The following CEP131 variants were observed in gnomAD, a reference collection of about 807,000 sequenced individuals.
CEP131 encodes the protein centrosomal protein 131.
A neutral mutation model predicts 136.8 loss-of-function variants in CEP131; 99 were observed. That is an observed-to-expected ratio of 0.72 (90% CI 0.62 to 0.86). The LOEUF is 0.86. Among genes scored for constraint, CEP131 ranks in the 40% least tolerant of loss-of-function variants. The pLI, the probability that CEP131 is intolerant of heterozygous loss-of-function variation, is 0.00. For synonymous variants in CEP131, 646 were observed against 612.7 expected, an observed-to-expected ratio of 1.05 and a Z score of -0.80; for missense variants, 1,459 against 1,463.0, an observed-to-expected ratio of 1.00 and a Z score of 0.04.
intron 21 of CEP131, among the ~76,000 whole-genome samples, chr17:81,192,019 G>T (rs1020656534): frequency 6.6e-6 from 1 of 152,130 alleles, no homozygotes; most frequent in African/African-American, 2.4e-5. Context: ...AGTGTCAGTG[G>T]GCTGGTCGTG....
At position 81,203,371 on chromosome 17, in the gene CEP131, C is replaced by G; in HGVS notation, c.629+123G>C. ...ATGCACACTGACCGCATGCCCTGACCAAGGTAGAACCCTGTGTGAACTGAC... is the reference window on the plus strand; with the variant it reads ...ATGCACACTGACCGCATGCCCTGACGAAGGTAGAACCCTGTGTGAACTGAC... On this transcript the variant is annotated intron_variant, in intron 6 of 25. Transcript: ENST00000450824. The surrounding 1 kb of genome is among the most constrained non-coding windows in gnomAD (Gnocchi z 4.6). 1.3e-6 allele frequency: 1 copy of G among 756,678 alleles called. No homozygotes were observed. Among genetic ancestry groups the G allele is most frequent in the Non-Finnish European group, 2.2e-6 (1 of 464,672 alleles). 46.9% of individuals were successfully genotyped at this position (756,678 alleles called of 1,614,324 possible). A position where few individuals can be genotyped will look rare whatever the true frequency, so the allele number is the denominator to read the frequency against.
At chr17:81,221,521 C>T (rs1278060276) in intron 1 of CEP131, among the ~76,000 whole-genome samples, 1 of 152,214 alleles carries the variant, frequency 6.6e-6, no homozygotes, top group Non-Finnish European at 1.5e-5. Flanking sequence ...CGCCAGCTCC[C>T]CTGCTGTGCC....
chr17:81,198,906 G>A lies in CEP131; in HGVS notation c.1258C>T (p.Pro420Ser), dbSNP rs80128622. 1,356 of 1,593,092 alleles carry A rather than the reference G, an allele frequency of 8.5e-4. 8 individuals are homozygous for A. In the African/African-American group the frequency reaches 0.016, roughly 19 times the overall value. The change falls in exon 11 of 26, where the codon CCA becomes TCA. Residue 420 changes from proline to serine, a missense_variant. By Grantham distance (74) the Pro-to-Ser change is moderately conservative. Around this residue, in one of 3 missense-constraint regions of CEP131, gnomAD observed 1,026 missense variants for 964.2 expected, o/e 1.06. Transcript: ENST00000450824. ...GTCCTGTCCTCTGGAGGCTGCTGTGGTTCTGGGGATGAGTCGGAGGTGGGC... is the reference window on the plus strand; with the variant it reads ...GTCCTGTCCTCTGGAGGCTGCTGTGATTCTGGGGATGAGTCGGAGGTGGGC... ...CLPTSDSSPE[P>S]QQPPEDRTQD... is the part of the protein sequence containing the mutation.
intron 14 of CEP131, 21 bp downstream of exon 14, chr17:81,196,909 T>C (rs761655144): frequency 6.2e-7 from 1 of 1,608,508 alleles, no homozygotes; most frequent in Non-Finnish European, 8.5e-7. Flanking sequence ...GGCCCGGGAT[T>C]AGCAGTGCCA....
chr17:81,196,901 C>A (rs760684679), intron 14 of CEP131, 29 bp downstream of exon 14: 2 of 1,607,416 alleles, frequency 1.2e-6, no homozygotes, highest in Non-Finnish European at 1.7e-6. Flanking sequence ...GCTAGCAGGG[C>A]CCGGGATTAG....
chr17:81,199,025 AACTCTGGAGGC>A (rs2061831025), intron 10 of CEP131, 54 bp from the exon 11 acceptor site: 13 of 1,433,410 alleles, frequency 9.1e-6, no homozygotes, highest in Non-Finnish European at 1.2e-5. Flanking sequence ...GGCGGGCAGC[AACTCTGGAGGC>A]ACCCCCGGGA....
intron 4 of CEP131, 95 bp downstream of exon 4, chr17:81,207,030 C>G: frequency 3.3e-6 from 5 of 1,523,104 alleles, no homozygotes; most frequent in Non-Finnish European, 4.4e-6. Context: ...ACCCTCCCTG[C>G]AGTGCCCTTT....
Position 81,189,637 on chromosome 17 carries a change from G to T in CEP131, c.*132C>A. The T allele has an allele frequency of 5.7e-6, 5 of 882,392 alleles. No individual in the cohort carries two copies. The highest frequency in any genetic ancestry group is 5.1e-5 in the South Asian group (3 of 59,252). The allele number at this position is 882,392 out of a possible 1,614,324, so 54.7% of individuals were successfully genotyped here. On this transcript the variant is annotated 3_prime_UTR_variant, in exon 26 of 26. Transcript: ENST00000450824. ...CCTTTACTGTTAAAATGCAGCCACA[G>T]GTGCTTAGCCGTGGGCATCTCAACC...
intron 7 of CEP131, among the ~76,000 whole-genome samples, chr17:81,201,247 G>A (rs917861866): frequency 6.6e-5 from 10 of 152,154 alleles, no homozygotes; most frequent in African/African-American, 2.2e-4. Context: ...CCCTTCCCTC[G>A]TGCCACCCAC....
Position 81,199,803 on chromosome 17 carries a change from G to C in CEP131, c.939C>G (p.Leu313=). 1 of 1,611,688 alleles carries C rather than the reference G, an allele frequency of 6.2e-7. No individual in the cohort carries two copies. Among genetic ancestry groups the C allele is most frequent in the Non-Finnish European group, 8.5e-7 (1 of 1,179,968 alleles). The change falls in exon 9 of 26, where the codon CTC becomes CTG. Residue 313 remains leucine (L), a synonymous_variant. Transcript: ENST00000450824. The part of the protein sequence containing the change: ...EQRQRSGEGT[L]LDLHQQKEAA... ...CCTCTTTCTGCTGGTGCAGGTCCAAGAGGGTCCCCTCGCCTGACCGCTGCC... is the reference window on the plus strand; with the variant it reads ...CCTCTTTCTGCTGGTGCAGGTCCAACAGGGTCCCCTCGCCTGACCGCTGCC...
chr17:81,190,880 C>A, intron 23 of CEP131, 27 bp downstream of exon 23: 1 of 1,595,174 alleles, frequency 6.3e-7, no homozygotes, highest in Non-Finnish European at 8.5e-7. Flanking sequence ...TGGGTGCCCA[C>A]TGCCCACCTG....
At position 81,193,915 on chromosome 17, in the gene CEP131, C is replaced by T. The variant is rs780015805; in HGVS notation, c.2321+11G>A. 73 of 1,531,796 alleles carry T rather than the reference C, an allele frequency of 4.8e-5. No homozygotes were observed. Among genetic ancestry groups the T allele is most frequent in the Non-Finnish European group, 6.1e-5 (70 of 1,142,106 alleles). The allele number at this position is 1,531,796 out of a possible 1,614,324, so 94.9% of individuals were successfully genotyped here. The stretch of plus-strand genomic sequence containing the variant: ...GGGTCCTGGCCCCACCGGCCTGGGG[C>T]CACCACCCACCGCTGCCGAGCACGT... On this transcript the variant is annotated intron_variant, in intron 18 of 25. Coordinates refer to ENST00000450824, the MANE Select transcript of CEP131 (RefSeq NM_014984.4).
At chr17:81,198,993 C>G (rs1233352850) in intron 10 of CEP131, 22 bp from the exon 11 acceptor site, 1 of 1,510,746 alleles carries the variant, frequency 6.6e-7, no homozygotes, top group Admixed American at 2.3e-5. Flanking sequence ...AACACAGCAC[C>G]ATTCCACAGG....
At chr17:81,192,681 AGGGGT>A in intron 19 of CEP131, 50 bp downstream of exon 19, 3 of 155,090 alleles carry the variant, frequency 1.9e-5, no homozygotes, top group Non-Finnish European at 2.4e-5. Context: ...GGCGGGGGGG[AGGGGT>A]CAGCCAGCGA....
Position 81,219,292 on chromosome 17 carries a change from C to CTT in CEP131, c.177+586_177+587dup, listed in dbSNP as rs1342180490. The stretch of plus-strand genomic sequence containing the variant: ...CCCTCCCCACAGGTCAACCCCATTT[C>CTT]TTTCTTTTTTTTTTTTTTTTGAGAT... On this transcript the variant is annotated intron_variant, in intron 2 of 25. Coordinates refer to ENST00000450824, the MANE Select transcript of CEP131 (RefSeq NM_014984.4). This position sits in a 1 kb window ranked among gnomAD's most constrained non-coding sequence, Gnocchi z 4.0. 2.9e-5 allele frequency among the ~76,000 whole-genome samples: 2 copies of CTT among 68,360 alleles called. No individual in the cohort carries two copies. Among genetic ancestry groups the CTT allele is most frequent in the East Asian group, 3.5e-4 (1 of 2,876 alleles). 44.8% of individuals were successfully genotyped at this position (68,360 alleles called of 152,430 possible).
At chr17:81,197,445 C>T (rs991577115) in intron 13 of CEP131, 46 of 557,908 alleles carry the variant, frequency 8.2e-5, no homozygotes, top group Middle Eastern at 4.9e-4. Flanking sequence ...GGAGGCAGCT[C>T]GGGGCAGCGG....
chr17:81,215,601 G>A lies in CEP131; in HGVS notation c.177+4279C>T, dbSNP rs1207151681. Among the ~76,000 whole-genome samples, 4 of 101,384 alleles carry A rather than the reference G, an allele frequency of 3.9e-5. No homozygotes were observed. Among genetic ancestry groups the A allele is most frequent in the South Asian group, 3.7e-4 (1 of 2,670 alleles). 66.5% of individuals were successfully genotyped at this position (101,384 alleles called of 152,430 possible). A position where few individuals can be genotyped will look rare whatever the true frequency, so the allele number is the denominator to read the frequency against. ...TATTTTTTCTATTTTTAGTAGAGAC[G>A]AGGTTTCACCGTGTTGGCCAGGCTG... On this transcript the variant is annotated intron_variant, in intron 2 of 25. Transcript: ENST00000450824. The surrounding 1 kb of genome is among the most constrained non-coding windows in gnomAD (Gnocchi z 4.1).
At position 81,189,681 on chromosome 17, in the gene CEP131, C is replaced by T. The variant is rs148754736; in HGVS notation, c.*88G>A. ...CTCAACCACCAGCCTCTGTGGGGGG[C>T]AGGTGGGCGTCCCTGTGGGCCTCTG... On this transcript the variant is annotated 3_prime_UTR_variant, in exon 26 of 26. Coordinates refer to ENST00000450824, the MANE Select transcript of CEP131 (RefSeq NM_014984.4). 3.8e-3 allele frequency: 5,182 copies of T among 1,362,442 alleles called. 20 individuals carry two copies. The highest frequency in any genetic ancestry group is 4.1e-3 in the Non-Finnish European group (4,095 of 1,007,070). The allele number at this position is 1,362,442 out of a possible 1,614,324, so 84.4% of individuals were successfully genotyped here.
At chr17:81,217,730 A>ATCC in intron 2 of CEP131, among the ~76,000 whole-genome samples, 1 of 152,116 alleles carries the variant, frequency 6.6e-6, no homozygotes, top group South Asian at 2.1e-4. Context: ...GAACGAGGGG[A>ATCC]CTGTTAGCAG....
Sources: gnomAD v4.1 joint callset for allele counts (sites outside exome capture counted in the v4.1 genomes callset) on GRCh38, gnomAD v4.1.1 for gene constraint, gnomAD v4.1.1 regional missense constraint, Gnocchi (gnomAD v3.1) non-coding constraint, MANE v1.5 for transcripts, NCBI Gene and HGNC (gene_info 2026-07-23, HGNC 2026-07-21) for gene names.